The following ERC2 variants were observed in gnomAD, a reference collection of about 807,000 sequenced individuals.
ERC2 encodes ELKS/RAB6-interacting/CAST family member 2.
Under a neutral mutation model 114.8 loss-of-function variants are expected in ERC2, and 42 were observed. The ratio of observed to expected loss-of-function variants is 0.37; its 90% confidence interval spans 0.29 to 0.47. ERC2 has a LOEUF of 0.47. Among genes scored for constraint, ERC2 ranks in the 20% least tolerant of loss-of-function variants. The probability of loss-of-function intolerance (pLI) is 0.99; values close to 1 mark genes in which losing one functional copy is unlikely to be tolerated. For missense variants in ERC2, 939 were observed against 1,150.7 expected, an observed-to-expected ratio of 0.82 and a Z score of 2.66; for synonymous variants, 454 against 425.5, an observed-to-expected ratio of 1.07 and a Z score of -0.82.
intron 7 of ERC2, among the ~76,000 whole-genome samples, chr3:56,052,505 T>G (rs762539924): frequency 3.8e-4 from 58 of 152,316 alleles, no homozygotes; most frequent in Admixed American, 1.2e-3. Flanking sequence ...ACTGAATATT[T>G]GCAATGGAGG....
chr3:55,792,438 T>C (rs1357559619), intron 14 of ERC2, among the ~76,000 whole-genome samples: 1 of 152,224 alleles, frequency 6.6e-6, no homozygotes, highest in Non-Finnish European at 1.5e-5. Flanking sequence ...AATTTTATTG[T>C]TGACAAATGT....
chr3:55,729,478 T>G (rs1458679330), intron 15 of ERC2, among the ~76,000 whole-genome samples: 1 of 152,134 alleles, frequency 6.6e-6, no homozygotes. Context: ...GTCTGTATTT[T>G]TCTTCTTTTC....
chr3:55,940,017 C>A (rs1391072612), intron 13 of ERC2, among the ~76,000 whole-genome samples: 2 of 152,196 alleles, frequency 1.3e-5, no homozygotes, highest in African/African-American at 4.8e-5. Flanking sequence ...AAACAGAGTT[C>A]TTAGAGTGAC....
At chr3:56,140,287 C>A (rs1351312694) in intron 5 of ERC2, among the ~76,000 whole-genome samples, 2 of 152,096 alleles carry the variant, frequency 1.3e-5, no homozygotes, top group Non-Finnish European at 1.5e-5. Context: ...TCTATCTCCT[C>A]CCCCCATTTG....
At chr3:56,137,894 T>C (rs958585501) in intron 6 of ERC2, among the ~76,000 whole-genome samples, 15 of 152,306 alleles carry the variant, frequency 9.8e-5, no homozygotes, top group Non-Finnish European at 1.6e-4. Context: ...GGCTACAGTG[T>C]TAACACACAA....
chr3:56,210,746 C>T (rs2049007011), intron 3 of ERC2, among the ~76,000 whole-genome samples: 3 of 152,200 alleles, frequency 2.0e-5, no homozygotes, highest in Admixed American at 2.0e-4. Flanking sequence ...ATTTGACCAA[C>T]TTTAGTCATC....
chr3:55,962,553 A>G (rs527907130), intron 12 of ERC2, among the ~76,000 whole-genome samples: 1 of 152,266 alleles, frequency 6.6e-6, no homozygotes, highest in African/African-American at 2.4e-5. Flanking sequence ...ACATGAGACC[A>G]GGGCTATATA....
chr3:55,634,610 A>C (rs2059885953), intron 17 of ERC2, among the ~76,000 whole-genome samples: 1 of 152,226 alleles, frequency 6.6e-6, no homozygotes, highest in Admixed American at 6.5e-5. Flanking sequence ...CTCTACTTAG[A>C]CTGTAAGATT....
chr3:55,771,493 G>T (rs899793974), intron 14 of ERC2, among the ~76,000 whole-genome samples: 1 of 152,184 alleles, frequency 6.6e-6, no homozygotes, highest in South Asian at 2.1e-4. Flanking sequence ...AAGAAGTAAA[G>T]CTAGGACTTG....
chr3:55,526,888 G>A (rs1301956243), intron 17 of ERC2, among the ~76,000 whole-genome samples: 4 of 152,218 alleles, frequency 2.6e-5, no homozygotes, highest in African/African-American at 9.6e-5. Flanking sequence ...TTCCCAGCTG[G>A]AAGCAGCAAT....
intron 12 of ERC2, among the ~76,000 whole-genome samples, chr3:55,980,161 G>C (rs2069992342): frequency 6.8e-6 from 1 of 146,786 alleles, no homozygotes; most frequent in Admixed American, 6.8e-5. Context: ...TGTACCCAAA[G>C]TAAAATCAGC....
chr3:55,875,690 T>TCACACACACACACACA (rs71621803), intron 14 of ERC2, among the ~76,000 whole-genome samples: 4 of 144,728 alleles, frequency 2.8e-5, no homozygotes, highest in African/African-American at 1.0e-4. Flanking sequence ...CTAAACTCAT[T>TCACACACACACACACA]CACACACACA....
chr3:55,982,452 A>G (rs113549097), intron 12 of ERC2, among the ~76,000 whole-genome samples: 391 of 150,268 alleles, frequency 2.6e-3, no homozygotes, highest in African/African-American at 9.2e-3. Flanking sequence ...TGTTATGAGA[A>G]GTGAACATTA....
chr3:55,708,611 C>A (rs541995082), intron 15 of ERC2, among the ~76,000 whole-genome samples: 1 of 152,192 alleles, frequency 6.6e-6, no homozygotes, highest in South Asian at 2.1e-4. Flanking sequence ...AATAGAGGGT[C>A]TCTGAAAAAA....
At chr3:56,404,088 C>G (rs1460967241) in intron 2 of ERC2, among the ~76,000 whole-genome samples, 1 of 152,160 alleles carries the variant, frequency 6.6e-6, no homozygotes, top group African/African-American at 2.4e-5. Flanking sequence ...ACTTTTGCAC[C>G]CAATGACTGG....
chr3:56,069,148 C>T (rs2076613067), intron 7 of ERC2, among the ~76,000 whole-genome samples: 1 of 152,196 alleles, frequency 6.6e-6, no homozygotes, highest in South Asian at 2.1e-4. Flanking sequence ...GTGTTAAGGT[C>T]TCCCACTATT....
chr3:56,189,893 CTTATT>C (rs1289321604), intron 3 of ERC2, among the ~76,000 whole-genome samples: 1 of 152,124 alleles, frequency 6.6e-6, no homozygotes, highest in African/African-American at 2.4e-5. Context: ...GGCATTTGCC[CTTATT>C]TTATTAAAAT....
chr3:56,268,363 T>G (rs1280785742), intron 3 of ERC2, among the ~76,000 whole-genome samples: 2 of 152,202 alleles, frequency 1.3e-5, no homozygotes, highest in East Asian at 3.8e-4. Flanking sequence ...TAAAACGCAT[T>G]TCTTAGAACG....
At chr3:55,780,963 C>T (rs969579275) in intron 14 of ERC2, among the ~76,000 whole-genome samples, 2 of 152,188 alleles carry the variant, frequency 1.3e-5, no homozygotes, top group African/African-American at 4.8e-5. Context: ...ATTAAAACGT[C>T]CTAAATGAAG....
Sources: gnomAD v4.1 joint callset for allele counts (sites outside exome capture counted in the v4.1 genomes callset) on GRCh38, gnomAD v4.1.1 for gene constraint, MANE v1.5 for transcripts, NCBI Gene and HGNC (gene_info 2026-07-23, HGNC 2026-07-21) for gene names.